Variants in SLC25A26 observed in about 807,000 individuals in gnomAD.
SLC25A26 encodes the protein mitochondrial S-adenosylmethionine carrier protein.
A neutral mutation model predicts 37.8 loss-of-function variants in SLC25A26; 36 were observed. The observed-to-expected ratio is 0.95, with a 90% CI of 0.73 to 1.26. The LOEUF is 1.26. SLC25A26 is among the 50% of genes most tolerant of loss of function. The pLI is 0.00. For synonymous variants in SLC25A26, 129 were observed against 122.5 expected (o/e 1.05, Z -0.35); for missense variants, 390 against 331.1 (o/e 1.18, Z -1.38).
At chr3:66,247,558 A>T (rs564022991) in intron 3 of SLC25A26, among the ~76,000 whole-genome samples, 160 of 152,298 alleles carry the variant, frequency 1.1e-3, no homozygotes, top group African/African-American at 3.8e-3. Context: ...CAGTTCTTCC[A>T]CTGTGGCCTT....
At chr3:66,306,846 T>G (rs935036416) in intron 5 of SLC25A26, among the ~76,000 whole-genome samples, 1 of 152,374 alleles carries the variant, frequency 6.6e-6, no homozygotes, top group Non-Finnish European at 1.5e-5. Context: ...TCATACTTTT[T>G]TATGGTTGCA....
intron 1 of SLC25A26, among the ~76,000 whole-genome samples, chr3:66,180,737 G>A (rs898954391): frequency 6.6e-6 from 1 of 152,094 alleles, no homozygotes; most frequent in Non-Finnish European, 1.5e-5. Flanking sequence ...GAGAGGGGAA[G>A]TAGACAAACT....
At chr3:66,246,588 G>T (rs1398546359) in intron 3 of SLC25A26, among the ~76,000 whole-genome samples, 2 of 152,164 alleles carry the variant, frequency 1.3e-5, no homozygotes, top group African/African-American at 4.8e-5. Context: ...TGTTAGGCAT[G>T]GGAGGTGGGG....
At chr3:66,313,395 G>GT (rs1467907711) in intron 5 of SLC25A26, among the ~76,000 whole-genome samples, 1 of 152,084 alleles carries the variant, frequency 6.6e-6, no homozygotes, top group Non-Finnish European at 1.5e-5. Context: ...CCCATTGCTT[G>GT]TTTTTGTCAG....
At chr3:66,307,797 A>T (rs183694603) in intron 5 of SLC25A26, among the ~76,000 whole-genome samples, 5 of 152,246 alleles carry the variant, frequency 3.3e-5, no homozygotes, top group Admixed American at 3.3e-4. Context: ...TTTGTCAAAG[A>T]GCAGATGGTT....
chr3:66,264,763 C>T (rs2073678028), intron 5 of SLC25A26, among the ~76,000 whole-genome samples: 1 of 152,102 alleles, frequency 6.6e-6, no homozygotes, highest in Non-Finnish European at 1.5e-5. Context: ...AGGTGGATGT[C>T]TCAGAAGTCT....
intron 1 of SLC25A26, among the ~76,000 whole-genome samples, chr3:66,231,411 T>C (rs1370508138): frequency 2.0e-5 from 3 of 152,176 alleles, no homozygotes; most frequent in Admixed American, 6.5e-5. Context: ...GCTTAGCTTT[T>C]ATATATTTGT....
At chr3:66,334,603 A>G (rs754749074) in intron 5 of SLC25A26, among the ~76,000 whole-genome samples, 1 of 152,200 alleles carries the variant, frequency 6.6e-6, no homozygotes, top group Non-Finnish European at 1.5e-5. Flanking sequence ...GGTGTGAATT[A>G]CTGCGCCGGG....
intron 1 of SLC25A26, among the ~76,000 whole-genome samples, chr3:66,157,967 T>A (rs2070307489): frequency 1.3e-5 from 2 of 152,232 alleles, no homozygotes; most frequent in South Asian, 4.1e-4. Context: ...TTTTTGCAAC[T>A]CTTCCATCAA....
chr3:66,202,764 A>G (rs1252189903), intron 1 of SLC25A26, among the ~76,000 whole-genome samples: 1 of 152,186 alleles, frequency 6.6e-6, no homozygotes, highest in Admixed American at 6.5e-5. Context: ...AAAAGAGACA[A>G]AAGAAGGAAT....
At chr3:66,275,283 G>A (rs2074100677) in intron 5 of SLC25A26, among the ~76,000 whole-genome samples, 1 of 151,150 alleles carries the variant, frequency 6.6e-6, no homozygotes, top group Non-Finnish European at 1.5e-5. Flanking sequence ...ATAGCATTAG[G>A]AGATACATCT....
chr3:66,195,382 G>A (rs996795644), intron 1 of SLC25A26, among the ~76,000 whole-genome samples: 1 of 152,232 alleles, frequency 6.6e-6, no homozygotes, highest in Non-Finnish European at 1.5e-5. Flanking sequence ...AGGAACCCGC[G>A]GTAGGGAGCC....
intron 5 of SLC25A26, among the ~76,000 whole-genome samples, chr3:66,289,758 C>T (rs970974277): frequency 2.0e-5 from 3 of 152,160 alleles, no homozygotes; most frequent in African/African-American, 7.2e-5. Flanking sequence ...AGCGTGATGC[C>T]TCCAGCTTTG....
upstream of SLC25A26, chr3:66,220,957 C>T (rs797038398): frequency 1.3e-5 from 12 of 896,492 alleles, no homozygotes; most frequent in African/African-American, 1.8e-4. Flanking sequence ...GTTGCACGTG[C>T]AGTTGTTGTG....
At chr3:66,267,497 G>C (rs1376794087) in intron 5 of SLC25A26, among the ~76,000 whole-genome samples, 1 of 152,154 alleles carries the variant, frequency 6.6e-6, no homozygotes, top group African/African-American at 2.4e-5. Flanking sequence ...CCTTGAAAGA[G>C]CCTGACATGT....
intron 3 of SLC25A26, among the ~76,000 whole-genome samples, chr3:66,254,726 A>C (rs962767486): frequency 6.6e-6 from 1 of 152,266 alleles, no homozygotes; most frequent in African/African-American, 2.4e-5. Context: ...ACCTTCAGCA[A>C]CTTCTATGAT....
intron 5 of SLC25A26, among the ~76,000 whole-genome samples, chr3:66,274,501 T>C (rs900637231): frequency 3.3e-5 from 5 of 152,158 alleles, no homozygotes; most frequent in East Asian, 1.9e-4. Context: ...AACCTACTTA[T>C]CTGACAAAGG....
intron 5 of SLC25A26, among the ~76,000 whole-genome samples, chr3:66,300,347 C>G (rs571145319): frequency 1.3e-5 from 2 of 149,098 alleles, no homozygotes; most frequent in African/African-American, 4.9e-5. Flanking sequence ...TTTGGGAGAC[C>G]TTTTGTAATG....
chr3:66,358,750 C>T (rs951582605), intron 6 of SLC25A26, among the ~76,000 whole-genome samples: 1 of 152,160 alleles, frequency 6.6e-6, no homozygotes, highest in South Asian at 2.1e-4. Flanking sequence ...TCCGGGCCTC[C>T]CAAAGTGCTA....
Sources: allele counts gnomAD v4.1 joint callset (sites outside exome capture counted in the v4.1 genomes callset), GRCh38; gene constraint gnomAD v4.1.1; transcripts MANE v1.5; gene names NCBI Gene and HGNC (gene_info 2026-07-23, HGNC 2026-07-21).